Variants in SPTBN1 observed in about 807,000 individuals in gnomAD.
The protein encoded by SPTBN1 is spectrin beta, non-erythrocytic 1.
Under a neutral mutation model 266.4 loss-of-function variants are expected in SPTBN1, and 32 were observed. The ratio of observed to expected loss-of-function variants is 0.12; its 90% CI spans 0.09 to 0.16. The LOEUF (loss-of-function observed/expected upper bound fraction) is 0.16, where lower values mean the gene tolerates loss of function less well. Ranked by LOEUF, SPTBN1 falls within the 10% of genes least tolerant of loss-of-function variation. The pLI, the probability that SPTBN1 is intolerant of heterozygous loss-of-function variation, is 1.00. For missense variants in SPTBN1, 2,296 were observed against 3,067.1 expected (o/e 0.75, Z 5.94); for synonymous variants, 1,336 against 1,162.2 (o/e 1.15, Z -3.04).
intron 2 of SPTBN1, among the ~76,000 whole-genome samples, chr2:54,582,208 C>T (rs1674966016): frequency 1.3e-5 from 2 of 152,042 alleles, no homozygotes; most frequent in South Asian, 4.2e-4. Flanking sequence ...ACTCAGCTTC[C>T]AGGGTCTAAG....
At chr2:54,599,014 T>G in intron 2 of SPTBN1, 78 bp from the exon 3 acceptor site, 2 of 1,539,548 alleles carry the variant, frequency 1.3e-6, no homozygotes, top group South Asian at 1.2e-5. Context: ...CTGGCTGGGG[T>G]CTTGTGGCCC....
intron 18 of SPTBN1, among the ~76,000 whole-genome samples, chr2:54,642,063 G>T (rs1323623759): frequency 6.6e-6 from 1 of 152,176 alleles, no homozygotes; most frequent in East Asian, 1.9e-4. Context: ...ATTCTTTTGT[G>T]TATCTTCAGC....
rs555415607 is a variant in SPTBN1, at chr2:54,594,624, T to G, written c.149-4468T>G. Among the ~76,000 whole-genome samples, 76 of 152,266 alleles carry G rather than the reference T, an allele frequency of 5.0e-4. No homozygotes were observed. The South Asian group carries it at 0.015, about 29-fold the overall frequency. On this transcript the variant is annotated intron_variant, in intron 2 of 35. Transcript: ENST00000356805. ...GCTCAGTGAATGCTATAATTATATT[T>G]TAATAAAAAAGAAAAAAAGTCATTT...
chr2:54,594,856 CAG>C (rs1325601104), intron 2 of SPTBN1, among the ~76,000 whole-genome samples: 1 of 29,730 alleles, frequency 3.4e-5, no homozygotes, highest in Non-Finnish European at 5.2e-5. Context: ...TTTTTTGAGA[CAG>C]AGTTTCGCTC....
At chr2:54,642,689 G>A (rs543549208) in intron 18 of SPTBN1, among the ~76,000 whole-genome samples, 21 of 152,240 alleles carry the variant, frequency 1.4e-4, no homozygotes, top group African/African-American at 4.8e-4. Context: ...TTAAACACGG[G>A]CCTTTTGTGG....
intron 3 of SPTBN1, among the ~76,000 whole-genome samples, chr2:54,603,660 T>C (rs1353998319): frequency 1.3e-5 from 2 of 152,200 alleles, no homozygotes; most frequent in African/African-American, 2.4e-5. Flanking sequence ...AATACTCCTC[T>C]GAAAGCTCAA....
At position 54,642,900 on chromosome 2, in the gene SPTBN1, T is replaced by A. The variant is rs866684132; in HGVS notation, c.3859-83T>A. 58 of 1,514,262 alleles carry A rather than the reference T, an allele frequency of 3.8e-5. No individual in the cohort carries two copies. In the South Asian group the frequency reaches 5.7e-4, roughly 15 times the overall value. 93.8% of individuals were successfully genotyped at this position (1,514,262 alleles called of 1,614,324 possible). ...GGAAACGTGTGTAGTATGCATAATA[T>A]GACATAAACACAACCCTTTCCAGGC... On this transcript the variant is annotated intron_variant, in intron 18 of 35. Transcript: ENST00000356805.
In SPTBN1 at chr2:54,624,899, A is replaced by G; in HGVS notation, c.1278A>G (p.Arg426=). 6.2e-7 allele frequency: 1 copy of G among 1,614,010 alleles called. No homozygotes were observed. Among genetic ancestry groups the G allele is most frequent in the Non-Finnish European group, 8.5e-7 (1 of 1,179,992 alleles). ...RQEKLEQLAR[R]FDRKAAMRET... Reference sequence around the variant, plus strand: ...AGAAACTGGAACAGCTCGCCCGCAGATTTGATCGCAAGGCAGCTATGAGGG... The same window carrying G: ...AGAAACTGGAACAGCTCGCCCGCAGGTTTGATCGCAAGGCAGCTATGAGGG... The change falls in exon 11 of 36, where the codon AGA becomes AGG. Residue 426 remains arginine (R), a synonymous_variant. Transcript: ENST00000356805.
Position 54,646,114 on chromosome 2 carries a change from T to C in SPTBN1, c.4585-80T>C. On this transcript the variant is annotated intron_variant, in intron 22 of 35. Transcript: ENST00000356805. The surrounding 1 kb of genome is among the most constrained non-coding windows in gnomAD (Gnocchi z 4.4). Reference sequence around the variant, plus strand: ...AGAGCTTTGAAGCCTTGCTATTTCTTTCTGGCCCTAACAGCTTGACATAAG... The same window carrying C: ...AGAGCTTTGAAGCCTTGCTATTTCTCTCTGGCCCTAACAGCTTGACATAAG... 9 of 1,603,102 alleles carry C rather than the reference T, an allele frequency of 5.6e-6. No individual in the cohort carries two copies. Among genetic ancestry groups the C allele is most frequent in the Non-Finnish European group, 6.8e-6 (8 of 1,173,756 alleles).
At chr2:54,463,883 C>T (rs914913130) in intron 1 of SPTBN1, among the ~76,000 whole-genome samples, 1 of 152,064 alleles carries the variant, frequency 6.6e-6, no homozygotes, top group East Asian at 1.9e-4. Flanking sequence ...TTTAAACAAA[C>T]AATAAAATGC....
chr2:54,577,982 A>C (rs1203054275), intron 2 of SPTBN1, among the ~76,000 whole-genome samples: 2 of 152,210 alleles, frequency 1.3e-5, no homozygotes, highest in African/African-American at 4.8e-5. Context: ...GGTGAATGCC[A>C]TGTAAAATTC....
At chr2:54,642,528 A>AGTTT (rs199897374) in intron 18 of SPTBN1, among the ~76,000 whole-genome samples, 2,679 of 62,678 alleles carry the variant, frequency 0.043, 83 homozygotes, top group African/African-American at 0.13. Flanking sequence ...ATAAATAAGT[A>AGTTT]GTTTTTTTTT....
chr2:54,667,542 G>T, intron 34 of SPTBN1, 62 bp from the exon 35 acceptor site: 1 of 1,513,020 alleles, frequency 6.6e-7, no homozygotes, highest in Admixed American at 1.7e-5. Flanking sequence ...GGATATGGGA[G>T]TTGGGGGATT....
chr2:54,547,732 G>A (rs1041276511), intron 2 of SPTBN1, among the ~76,000 whole-genome samples: 4 of 150,590 alleles, frequency 2.7e-5, no homozygotes, highest in African/African-American at 7.5e-5. Context: ...TTAAGGTATC[G>A]GTGATAAAAA....
At chr2:54,667,771 C>G (rs968813414) in intron 35 of SPTBN1, 125 bp downstream of exon 35, 15 of 815,872 alleles carry the variant, frequency 1.8e-5, no homozygotes, top group Non-Finnish European at 2.8e-5. Context: ...TCACTGGGCT[C>G]CAGTCACCAG....
At chr2:54,565,521 T>C (rs747172034) in intron 2 of SPTBN1, among the ~76,000 whole-genome samples, 14 of 152,186 alleles carry the variant, frequency 9.2e-5, no homozygotes, top group Non-Finnish European at 1.3e-4. Context: ...GAAAGAGATA[T>C]AAGTTTAGAA....
At chr2:54,543,613 A>G (rs1484469585) in intron 2 of SPTBN1, among the ~76,000 whole-genome samples, 1 of 152,158 alleles carries the variant, frequency 6.6e-6, no homozygotes, top group Middle Eastern at 3.2e-3. Context: ...AATTAAAAAA[A>G]TTAATATGGT....
chr2:54,480,348 G>T (rs538266125), intron 1 of SPTBN1, among the ~76,000 whole-genome samples: 2 of 152,320 alleles, frequency 1.3e-5, no homozygotes, highest in African/African-American at 4.8e-5. Flanking sequence ...AGGGTTGCCA[G>T]ATTTAGGAAA....
Position 54,558,137 on chromosome 2 carries a change from T to C in SPTBN1, c.148+31571T>C, listed in dbSNP as rs1673002512. 7.1e-6 allele frequency: 7 copies of C among 985,212 alleles called. No homozygotes were observed. The highest frequency in any genetic ancestry group is 6.0e-6 in the Non-Finnish European group (5 of 829,894). 61.0% of individuals were successfully genotyped at this position (985,212 alleles called of 1,614,324 possible). Reference sequence around the variant, plus strand: ...AAGATTGTAATTCCAGCAGCTCTGTTTGGGAAGGCACTACCGCGGCGAGTC... The same window carrying C: ...AAGATTGTAATTCCAGCAGCTCTGTCTGGGAAGGCACTACCGCGGCGAGTC... On this transcript the variant is annotated intron_variant, in intron 2 of 35. Coordinates refer to ENST00000356805, the MANE Select transcript of SPTBN1 (RefSeq NM_003128.3). This position sits in a 1 kb window ranked among gnomAD's most constrained non-coding sequence, Gnocchi z 4.6.
Sources: allele counts gnomAD v4.1 joint callset (sites outside exome capture counted in the v4.1 genomes callset), GRCh38; gene constraint gnomAD v4.1.1; non-coding constraint Gnocchi (gnomAD v3.1); transcripts MANE v1.5; gene names NCBI Gene and HGNC (gene_info 2026-07-23, HGNC 2026-07-21).